The following LIPI variants were observed in gnomAD, a reference collection of about 807,000 sequenced individuals.
LIPI encodes lipase I.
A neutral mutation model predicts 50.6 loss-of-function variants in LIPI; 59 were observed. The observed-to-expected ratio is 1.16, with a 90% CI of 0.94 to 1.45. The LOEUF is 1.45. LIPI is among the 40% of genes most tolerant of loss of function. The pLI is 0.00. For synonymous variants in LIPI, 203 were observed against 178.2 expected, an observed-to-expected ratio of 1.14 and a Z score of -1.11; for missense variants, 586 against 536.3, an observed-to-expected ratio of 1.09 and a Z score of -0.92.
intron 1 of LIPI, among the ~76,000 whole-genome samples, chr21:14,206,199 G>T (rs1386911635): frequency 6.6e-6 from 1 of 152,096 alleles, no homozygotes; most frequent in Non-Finnish European, 1.5e-5. Context: ...CAGGCATAGT[G>T]CCCTGGACGT....
At chr21:14,165,081 A>G in intron 6 of LIPI, 142 bp downstream of exon 6, 1 of 657,376 alleles carries the variant, frequency 1.5e-6, no homozygotes, top group South Asian at 1.7e-5. Flanking sequence ...TCTGTACCAC[A>G]TCTCTACAGA....
At chr21:14,123,975 G>T (rs958514781) in intron 9 of LIPI, among the ~76,000 whole-genome samples, 1 of 152,194 alleles carries the variant, frequency 6.6e-6, no homozygotes, top group Non-Finnish European at 1.5e-5. Context: ...AGAATGCGGA[G>T]GTTGGCCCAT....
At chr21:14,156,417 G>A (rs762723370) in intron 7 of LIPI, among the ~76,000 whole-genome samples, 1 of 151,722 alleles carries the variant, frequency 6.6e-6, no homozygotes, top group Non-Finnish European at 1.5e-5. Context: ...TGAATGAAAA[G>A]GCCACAAGCC....
intron 9 of LIPI, among the ~76,000 whole-genome samples, chr21:14,127,169 C>T (rs1172941648): frequency 1.3e-5 from 2 of 152,158 alleles, no homozygotes; most frequent in African/African-American, 4.8e-5. Flanking sequence ...AAGATAATTA[C>T]TTGTTGACTG....
intron 4 of LIPI, among the ~76,000 whole-genome samples, chr21:14,181,452 T>G (rs913110093): frequency 6.6e-6 from 1 of 152,046 alleles, no homozygotes; most frequent in South Asian, 2.1e-4. Context: ...GAAAATGTGA[T>G]CAAATCAATA....
rs551139447 is a variant in LIPI, at chr21:14,145,263, G to C, written c.1119-464C>G. Among the ~76,000 whole-genome samples the C allele has an allele frequency of 3.3e-5, 5 of 152,240 alleles. No individual in the cohort carries two copies. The South Asian group carries it at 1.0e-3, about 32-fold the overall frequency. ...CAGTGTTTAATAAGTACAATTTTCTGTGCATTTACAATGTAATTAAGCTTT... is the reference window on the plus strand; with the variant it reads ...CAGTGTTTAATAAGTACAATTTTCTCTGCATTTACAATGTAATTAAGCTTT... On this transcript the variant is annotated intron_variant, in intron 8 of 9. Coordinates refer to ENST00000681601, the MANE Select transcript of LIPI (RefSeq NM_001302998.2).
chr21:14,189,112 T>C lies in LIPI; in HGVS notation c.354A>G (p.Thr118=). 3.7e-6 allele frequency: 6 copies of C among 1,613,420 alleles called. No individual in the cohort carries two copies. The highest frequency in any genetic ancestry group is 5.1e-6 in the Non-Finnish European group (6 of 1,179,970). ...VIVVDWSRGA[T]TFIYNRAVKN... ...TAACTGCTCTATTATAAATAAAAGT[T>C]GTAGCACCCCGGCTCCAGTCTACTA... is the stretch of plus-strand genomic sequence containing the variant. Residue 118 remains threonine (T), a synonymous_variant, in exon 2 of 10, where the codon ACA becomes ACG. Transcript: ENST00000681601.
chr21:14,161,834 A>G (rs9978372), intron 7 of LIPI, among the ~76,000 whole-genome samples: 14,332 of 23,770 alleles, frequency 0.6, 5,540 homozygotes, highest in East Asian at 0.9. Flanking sequence ...ATATATTAAT[A>G]TATAATATAT....
At chr21:14,123,415 A>G (rs1232948154) in intron 9 of LIPI, among the ~76,000 whole-genome samples, 1 of 152,218 alleles carries the variant, frequency 6.6e-6, no homozygotes, top group Non-Finnish European at 1.5e-5. Context: ...TCTGTAAGAC[A>G]AAAGCCTACC....
At chr21:14,129,838 TC>T (rs1291500750) in intron 9 of LIPI, among the ~76,000 whole-genome samples, 2 of 150,992 alleles carry the variant, frequency 1.3e-5, no homozygotes, top group African/African-American at 4.9e-5. Context: ...TTTCTCACCT[TC>T]CTTAAACAAT....
At chr21:14,114,900 G>T (rs2016563923) in intron 9 of LIPI, among the ~76,000 whole-genome samples, 1 of 152,084 alleles carries the variant, frequency 6.6e-6, no homozygotes, top group African/African-American at 2.4e-5. Context: ...TTATCTTTGG[G>T]GCAACAAAGA....
chr21:14,136,709 G>A (rs1382976822), intron 9 of LIPI, among the ~76,000 whole-genome samples: 1 of 152,124 alleles, frequency 6.6e-6, no homozygotes, highest in African/African-American at 2.4e-5. Context: ...GAACACCAGG[G>A]CCTTGAGTGA....
intron 4 of LIPI, among the ~76,000 whole-genome samples, chr21:14,177,597 A>G (rs760240728): frequency 6.6e-6 from 1 of 152,062 alleles, no homozygotes; most frequent in Non-Finnish European, 1.5e-5. Flanking sequence ...TACCCTAAAG[A>G]TTCAACATGA....
At chr21:14,161,116 T>G (rs1312214179) in intron 7 of LIPI, among the ~76,000 whole-genome samples, 1 of 151,188 alleles carries the variant, frequency 6.6e-6, no homozygotes, top group Admixed American at 6.6e-5. Context: ...ATAACACTCC[T>G]GGGAATTTAT....
In LIPI at chr21:14,179,863, CAG is replaced by C. The variant is rs1219188110; in HGVS notation, c.643+1893_643+1894del. On this transcript the variant is annotated intron_variant, in intron 4 of 9. Transcript: ENST00000681601. Reference sequence around the variant, plus strand: ...TGCACCTTGAAAAAGAACAGAATAACAGCGGCTTTTAGGGAACAAGGGAAGAC... The same window carrying C: ...TGCACCTTGAAAAAGAACAGAATAACCGGCTTTTAGGGAACAAGGGAAGAC... Among the ~76,000 whole-genome samples, 5 of 152,254 alleles carry C rather than the reference CAG, an allele frequency of 3.3e-5. No individual in the cohort carries two copies. In the South Asian group the frequency reaches 6.2e-4, roughly 19 times the overall value.
chr21:14,138,201 T>A (rs186942062), intron 9 of LIPI, among the ~76,000 whole-genome samples: 25,300 of 151,304 alleles, frequency 0.17, 2,291 homozygotes, highest in South Asian at 0.23. Flanking sequence ...TAAACATAGA[T>A]AAAAAATAAA....
intron 3 of LIPI, among the ~76,000 whole-genome samples, chr21:14,184,268 T>C (rs1476736283): frequency 3.3e-5 from 5 of 152,144 alleles, no homozygotes; most frequent in East Asian, 1.9e-4. Flanking sequence ...TAGGTGGGAA[T>C]TGAACAGTGA....
intron 1 of LIPI, among the ~76,000 whole-genome samples, chr21:14,208,355 T>C (rs1018098177): frequency 2.0e-5 from 3 of 152,266 alleles, no homozygotes; most frequent in Middle Eastern, 3.4e-3. Context: ...ATACTACAAG[T>C]TCTGTGACTT....
At chr21:14,147,440 C>A (rs2017946407) in intron 8 of LIPI, among the ~76,000 whole-genome samples, 1 of 152,120 alleles carries the variant, frequency 6.6e-6, no homozygotes, top group Non-Finnish European at 1.5e-5. Flanking sequence ...GTATCCCCAG[C>A]ACTTAACACA....
Sources: allele counts gnomAD v4.1 joint callset (sites outside exome capture counted in the v4.1 genomes callset), GRCh38; gene constraint gnomAD v4.1.1; transcripts MANE v1.5; gene names NCBI Gene and HGNC (gene_info 2026-07-23, HGNC 2026-07-21).